The following VPS35 variants were observed in gnomAD, a reference collection of about 807,000 sequenced individuals.
VPS35 encodes vacuolar protein sorting-associated protein 35.
A neutral mutation model predicts 98.1 loss-of-function variants in VPS35; 21 were observed. The ratio of observed to expected loss-of-function variants is 0.21; its 90% CI spans 0.15 to 0.31. The LOEUF is 0.31. VPS35 is among the 10% of genes least tolerant of loss of function. VPS35 has a pLI of 1.00. For synonymous variants in VPS35, 268 were observed against 318.2 expected, an observed-to-expected ratio of 0.84 and a Z score of 1.68; for missense variants, 554 against 950.8, an observed-to-expected ratio of 0.58 and a Z score of 5.49.
At chr16:46,664,833 A>G (rs982015431) in intron 13 of VPS35, among the ~76,000 whole-genome samples, 1 of 152,012 alleles carries the variant, frequency 6.6e-6, no homozygotes, top group African/African-American at 2.4e-5. Context: ...AATTTTTCCT[A>G]TTTTGTCCTA....
chr16:46,683,648 T>A, intron 1 of VPS35, 42 bp from the exon 2 acceptor site: 2 of 1,508,042 alleles, frequency 1.3e-6, no homozygotes, highest in South Asian at 2.3e-5. Context: ...AGCACATTCT[T>A]CTAGCAAGTA....
chr16:46,678,951 A>T lies in VPS35; in HGVS notation c.712T>A (p.Tyr238Asn). 1.2e-6 allele frequency: 2 copies of T among 1,614,196 alleles called. No individual in the cohort carries two copies. ...SQLEGVNVER[Y>N]KQIVLTGILE... ...AACAAAAATATATAAACCTGTTTGT[A>T]ACGTTCCACATTTACACCTTCCAAC... Residue 238 changes from tyrosine (Y) to asparagine (N), a missense_variant, in exon 6 of 17, where the codon TAC (tyrosine) becomes AAC (asparagine). Tyr to Asn is a moderately radical substitution (Grantham distance 143, BLOSUM62 -2). Coordinates refer to ENST00000299138, the MANE Select transcript of VPS35 (RefSeq NM_018206.6).
intron 5 of VPS35, among the ~76,000 whole-genome samples, 158 bp downstream of exon 5, chr16:46,680,513 G>A (rs958931939): frequency 1.3e-5 from 2 of 152,204 alleles, no homozygotes; most frequent in Admixed American, 1.3e-4. Flanking sequence ...ATACTGAGGA[G>A]TTCTATATTA....
chr16:46,660,394 A>G lies in VPS35; in HGVS notation c.*78T>C. 3.2e-6 allele frequency: 5 copies of G among 1,579,358 alleles called. No homozygotes were observed. The South Asian group carries it at 4.4e-5, about 14-fold the overall frequency. ...TACCTCAGCATTTCTGAAAGGCACA[A>G]TCTATGGAAGGGAAACCTAGCGTAA... On this transcript the variant is annotated 3_prime_UTR_variant, in exon 17 of 17. Coordinates refer to ENST00000299138, the MANE Select transcript of VPS35 (RefSeq NM_018206.6).
In VPS35 at chr16:46,677,671, G is replaced by A. The variant is rs114550192; in HGVS notation, c.721-273C>T. On this transcript the variant is annotated intron_variant, in intron 6 of 16. Coordinates refer to ENST00000299138, the MANE Select transcript of VPS35 (RefSeq NM_018206.6). Reference sequence around the variant, plus strand: ...CCACCTCAAGCCTCCTGAGTGCTGGGACTACAGGTACGTTCCACCATGCCC... The same window carrying A: ...CCACCTCAAGCCTCCTGAGTGCTGGAACTACAGGTACGTTCCACCATGCCC... 460 of 431,048 alleles carry A rather than the reference G, an allele frequency of 1.1e-3. 2 individuals are homozygous for A. Among genetic ancestry groups the A allele is most frequent in the African/African-American group, 8.2e-3 (404 of 49,538 alleles). 26.7% of individuals were successfully genotyped at this position (431,048 alleles called of 1,614,324 possible).
chr16:46,670,210 T>C (rs765618160), intron 12 of VPS35, among the ~76,000 whole-genome samples: 1 of 152,218 alleles, frequency 6.6e-6, no homozygotes, highest in Non-Finnish European at 1.5e-5. Context: ...GCATTTCCCC[T>C]AGGGGCAGTC....
intron 13 of VPS35, among the ~76,000 whole-genome samples, chr16:46,668,147 G>A (rs1225515151): frequency 1.3e-5 from 2 of 152,214 alleles, no homozygotes; most frequent in South Asian, 4.1e-4. Flanking sequence ...TACAATCCTA[G>A]CACTTTGAGA....
chr16:46,672,509 T>C (rs1457741433), intron 10 of VPS35, 37 bp from the exon 11 acceptor site: 29 of 1,570,234 alleles, frequency 1.8e-5, no homozygotes, highest in African/African-American at 4.1e-5. Flanking sequence ...ATGAATAAAA[T>C]TAACTTTCTA....
At chr16:46,664,220 G>C (rs1965955568) in intron 13 of VPS35, among the ~76,000 whole-genome samples, 1 of 151,726 alleles carries the variant, frequency 6.6e-6, no homozygotes, top group Non-Finnish European at 1.5e-5. Context: ...TCTCTTTGGT[G>C]CGATCTCGGC....
intron 2 of VPS35, chr16:46,682,555 A>T: frequency 4.2e-6 from 1 of 236,602 alleles, no homozygotes. Flanking sequence ...TGGGTTAAAG[A>T]CTCTTCAGAG....
chr16:46,663,968 C>A (rs1266136780), intron 13 of VPS35, among the ~76,000 whole-genome samples: 1 of 150,254 alleles, frequency 6.7e-6, no homozygotes, highest in Non-Finnish European at 1.5e-5. Flanking sequence ...GCCTCAGCCT[C>A]CCAAAGTGTT....
At chr16:46,683,728 C>T (rs896241941) in intron 1 of VPS35, 122 bp from the exon 2 acceptor site, 7 of 1,097,458 alleles carry the variant, frequency 6.4e-6, no homozygotes, top group Admixed American at 2.0e-5. Flanking sequence ...AACCCATTTA[C>T]CAAATTTTTT....
intron 2 of VPS35, 166 bp from the exon 3 acceptor site, chr16:46,682,341 C>T: frequency 3.3e-6 from 2 of 610,492 alleles, no homozygotes; most frequent in Non-Finnish European, 5.9e-6. Flanking sequence ...GTTCACCTTG[C>T]CGTCTCTACT....
At chr16:46,682,485 C>T (rs1966249584) in intron 2 of VPS35, 1 of 317,256 alleles carries the variant, frequency 3.2e-6, no homozygotes, top group Admixed American at 4.4e-5. Context: ...TACCTGCAAT[C>T]AAGAGAACTG....
intron 7 of VPS35, among the ~76,000 whole-genome samples, 194 bp from the exon 8 acceptor site, chr16:46,676,886 TAA>T (rs1366518780): frequency 1.3e-5 from 2 of 152,118 alleles, no homozygotes; most frequent in Non-Finnish European, 2.9e-5. Context: ...CACCTACAAT[TAA>T]ACTAAAGCTA....
Position 46,656,974 on chromosome 16 carries a change from C to G in VPS35, c.*3498G>C, listed in dbSNP as rs1318271366. The G allele has an allele frequency of 6.6e-6, 1 of 152,220 alleles. No homozygotes were observed. The highest frequency in any genetic ancestry group is 1.5e-5 in the Non-Finnish European group (1 of 68,112). The allele number at this position is 152,220 out of a possible 1,614,324, so 9.4% of individuals were successfully genotyped here. ...TGAGCCAAGATCGCACCACTGCACTCCTGCTTGGGTGACAGAGCAAGACTC... is the reference window on the plus strand; with the variant it reads ...TGAGCCAAGATCGCACCACTGCACTGCTGCTTGGGTGACAGAGCAAGACTC... On this transcript the variant is annotated 3_prime_UTR_variant, in exon 17 of 17. Coordinates refer to ENST00000299138, the MANE Select transcript of VPS35 (RefSeq NM_018206.6).
chr16:46,666,520 G>A (rs944967724), intron 13 of VPS35, among the ~76,000 whole-genome samples: 2 of 151,838 alleles, frequency 1.3e-5, no homozygotes, highest in South Asian at 2.1e-4. Flanking sequence ...CGCCTGCTTC[G>A]GCCTCCCAAA....
chr16:46,660,125 GCAAACAAA>G lies in VPS35; in HGVS notation c.*339_*346del, dbSNP rs564951006. 1 of 191,634 alleles carries G rather than the reference GCAAACAAA, an allele frequency of 5.2e-6. No homozygotes were observed. Among genetic ancestry groups the G allele is most frequent in the Non-Finnish European group, 1.0e-5 (1 of 97,884 alleles). The allele number at this position is 191,634 out of a possible 1,614,324, so 11.9% of individuals were successfully genotyped here. ...AAGAAAATACACAATCAACAATGAA[GCAAACAAA>G]CAAACAAAAAAAAGGAGAGCTTCAT... On this transcript the variant is annotated 3_prime_UTR_variant, in exon 17 of 17. Coordinates refer to ENST00000299138, the MANE Select transcript of VPS35 (RefSeq NM_018206.6).
intron 5 of VPS35, 42 bp from the exon 6 acceptor site, chr16:46,679,198 C>T (rs1414055365): frequency 6.7e-7 from 1 of 1,499,388 alleles, no homozygotes; most frequent in Non-Finnish European, 9.1e-7. Context: ...ATTTACAGGA[C>T]CAACTTACTA....
Sources: allele counts gnomAD v4.1 joint callset (sites outside exome capture counted in the v4.1 genomes callset), GRCh38; gene constraint gnomAD v4.1.1; transcripts MANE v1.5; gene names NCBI Gene and HGNC (gene_info 2026-07-23, HGNC 2026-07-21).